The following ZNF420 variants were observed in gnomAD, a reference collection of about 807,000 sequenced individuals.
ZNF420 encodes ATM and p53-associated KZNF protein.
A neutral mutation model predicts 44.7 loss-of-function variants in ZNF420; 31 were observed. The observed-to-expected ratio is 0.69, with a 90% CI of 0.52 to 0.94. The LOEUF (loss-of-function observed/expected upper bound fraction) is 0.94. Ranked by LOEUF, ZNF420 falls within the 40% of genes least tolerant of loss-of-function variation. ZNF420 has a pLI of 0.00. For synonymous variants in ZNF420, 245 were observed against 267.4 expected (o/e 0.92, Z 0.82); for missense variants, 681 against 827.9 (o/e 0.82, Z 2.18).
intron 1 of ZNF420, among the ~76,000 whole-genome samples, chr19:37,078,991 C>T (rs1195157452): frequency 7.2e-5 from 11 of 152,034 alleles, no homozygotes; most frequent in Admixed American, 7.2e-4. Context: ...TGCTGTGACA[C>T]GGTGTTTATT....
chr19:37,016,541 G>A (rs960334165), intron 1 of ZNF420, among the ~76,000 whole-genome samples: 8 of 152,116 alleles, frequency 5.3e-5, no homozygotes, highest in Non-Finnish European at 5.9e-5. Flanking sequence ...GAGCATGCCC[G>A]GACATCCTTC....
intron 4 of ZNF420, among the ~76,000 whole-genome samples, chr19:37,118,762 G>A (rs1182542726): frequency 6.6e-6 from 1 of 151,332 alleles, no homozygotes; most frequent in African/African-American, 2.4e-5. Context: ...TCAAAATAAA[G>A]GGATGGAGGA....
chr19:37,116,815 C>T (rs554973503), intron 4 of ZNF420, among the ~76,000 whole-genome samples: 1 of 152,224 alleles, frequency 6.6e-6, no homozygotes, highest in African/African-American at 2.4e-5. Flanking sequence ...TATCCCACAC[C>T]TAGCTCAGAG....
At chr19:37,124,097 C>T (rs1464427523) in intron 4 of ZNF420, among the ~76,000 whole-genome samples, 4 of 152,186 alleles carry the variant, frequency 2.6e-5, no homozygotes, top group Admixed American at 6.5e-5. Flanking sequence ...GTCAACCTCT[C>T]CCCTTTAACC....
intron 4 of ZNF420, among the ~76,000 whole-genome samples, chr19:37,097,477 G>A (rs373067160): frequency 3.9e-5 from 6 of 152,020 alleles, no homozygotes; most frequent in South Asian, 2.1e-4. Context: ...ACCCTGTAGC[G>A]GAATTTGAAA....
chr19:37,098,005 C>G (rs1969556126), intron 4 of ZNF420, among the ~76,000 whole-genome samples: 1 of 152,060 alleles, frequency 6.6e-6, no homozygotes, highest in South Asian at 2.1e-4. Context: ...GGGTCTCCCT[C>G]TGTCACTTAG....
Position 37,128,127 on chromosome 19 carries a change from C to T in ZNF420, c.1136C>T (p.Thr379Ile), listed in dbSNP as rs1359883935. 1 of 1,614,024 alleles carries T rather than the reference C, an allele frequency of 6.2e-7. No homozygotes were observed. Among genetic ancestry groups the T allele is most frequent in the Admixed American group, 1.7e-5 (1 of 60,022 alleles). Residue 379 changes from threonine to isoleucine, a missense_variant, in exon 5 of 5, where the codon ACT becomes ATT. By Grantham distance (89) the Thr-to-Ile change is moderately conservative. This residue lies in a region of ZNF420 where 51 missense variants were observed against 106.8 expected (regional missense o/e 0.48). Coordinates refer to ENST00000337995, the MANE Select transcript of ZNF420 (RefSeq NM_144689.5). ...GCCTTTATCCGTGGCTCACAACTTA[C>T]TCAACACCAGAGAATTCACACCAAT... Reference protein sequence around the residue: ...GKAFIRGSQLTQHQRIHTNEK... With the variant: ...GKAFIRGSQLIQHQRIHTNEK...
intron 1 of ZNF420, among the ~76,000 whole-genome samples, chr19:37,045,241 C>A: frequency 6.6e-6 from 1 of 152,046 alleles, no homozygotes; most frequent in East Asian, 1.9e-4. Context: ...AAGCCTGATG[C>A]CTTTGATGTT....
intron 2 of ZNF420, among the ~76,000 whole-genome samples, chr19:37,082,376 G>A (rs1568443324): frequency 6.6e-6 from 1 of 152,142 alleles, no homozygotes; most frequent in Non-Finnish European, 1.5e-5. Context: ...TGTTGGCCAG[G>A]CTGGTCTCAA....
At chr19:37,049,899 G>A (rs1967608397) in intron 1 of ZNF420, among the ~76,000 whole-genome samples, 1 of 152,172 alleles carries the variant, frequency 6.6e-6, no homozygotes, top group African/African-American at 2.4e-5. Context: ...TGTATAAGGT[G>A]CAAGGAAGGG....
Position 37,084,350 on chromosome 19 carries a change from AT to A in ZNF420, c.-81+3970del, listed in dbSNP as rs1361341438. 2.2e-4 allele frequency among the ~76,000 whole-genome samples: 33 copies of A among 151,880 alleles called. No individual in the cohort carries two copies. In the East Asian group the frequency reaches 4.4e-3, roughly 20 times the overall value. On this transcript the variant is annotated intron_variant, in intron 2 of 4. Transcript: ENST00000337995. ...TTCATTTTGCTTTTATTTCTTAGAG[AT>A]TTTTTTTCATTTTGATTTAATTTTG...
chr19:37,048,130 C>G (rs1967573183), intron 1 of ZNF420, among the ~76,000 whole-genome samples: 2 of 130,828 alleles, frequency 1.5e-5, no homozygotes. Flanking sequence ...ATTGTGGGGA[C>G]TTTCCCTTAG....
In ZNF420 at chr19:37,127,471, T is replaced by C; in HGVS notation, c.480T>C (p.Ile160=). The C allele has an allele frequency of 1.9e-6, 3 of 1,614,048 alleles. No homozygotes were observed. Among genetic ancestry groups the C allele is most frequent in the Non-Finnish European group, 2.5e-6 (3 of 1,179,964 alleles). ...CACACCTAACACAACATCAAAGTAT[T>C]CATACTGGTGAAAAACCCTATGAAT... The part of the protein sequence containing the change: ...RASHLTQHQS[I]HTGEKPYECK... Residue 160 remains isoleucine, a synonymous_variant, in exon 5 of 5, where the codon ATT becomes ATC. Coordinates refer to ENST00000337995, the MANE Select transcript of ZNF420 (RefSeq NM_144689.5).
intron 2 of ZNF420, among the ~76,000 whole-genome samples, chr19:37,088,481 G>A (rs1281393470): frequency 6.6e-6 from 1 of 151,864 alleles, no homozygotes; most frequent in East Asian, 1.9e-4. Flanking sequence ...AGTATTGATG[G>A]CAATGCTAAT....
chr19:37,125,727 CATT>C (rs1396068762), intron 4 of ZNF420, among the ~76,000 whole-genome samples: 1 of 152,164 alleles, frequency 6.6e-6, no homozygotes, highest in Non-Finnish European at 1.5e-5. Flanking sequence ...CCTTGGATAA[CATT>C]ATACAAAATC....
At chr19:37,043,362 TATC>T (rs1323403575) in intron 1 of ZNF420, among the ~76,000 whole-genome samples, 2 of 152,170 alleles carry the variant, frequency 1.3e-5, no homozygotes, top group Non-Finnish European at 2.9e-5. Flanking sequence ...AGTACAGCAA[TATC>T]ATCAGCACTA....
chr19:37,107,725 A>C (rs1970173387), intron 4 of ZNF420: 1 of 152,354 alleles, frequency 6.6e-6, no homozygotes, highest in Non-Finnish European at 1.5e-5. Flanking sequence ...GCACACAAGG[A>C]TTAATAGGAA....
chr19:37,011,795 C>T (rs1173251851), intron 1 of ZNF420, among the ~76,000 whole-genome samples: 2 of 152,130 alleles, frequency 1.3e-5, no homozygotes, highest in Non-Finnish European at 2.9e-5. Flanking sequence ...TTCTGGGGGA[C>T]GCCAGTGCCA....
chr19:37,043,259 C>A (rs898145304), intron 1 of ZNF420, among the ~76,000 whole-genome samples: 9 of 152,190 alleles, frequency 5.9e-5, no homozygotes, highest in Admixed American at 2.6e-4. Context: ...GTGTGAAAAA[C>A]ACAGTATCTG....
Sources: gnomAD v4.1 joint callset for allele counts (sites outside exome capture counted in the v4.1 genomes callset) on GRCh38, gnomAD v4.1.1 for gene constraint, gnomAD v4.1.1 regional missense constraint, MANE v1.5 for transcripts, NCBI Gene and HGNC (gene_info 2026-07-23, HGNC 2026-07-21) for gene names.